ABCA4: variants seen among roughly 807,000 people sequenced by gnomAD.
The protein encoded by ABCA4 is retinal-specific phospholipid-transporting ATPase ABCA4.
Under a neutral mutation model 263.7 loss-of-function variants are expected in ABCA4, and 196 were observed. The ratio of observed to expected loss-of-function variants is 0.74; its 90% CI spans 0.66 to 0.84. The LOEUF is 0.84. Ranked by LOEUF, ABCA4 falls within the 40% of genes least tolerant of loss-of-function variation. The pLI, the probability that ABCA4 is intolerant of heterozygous loss-of-function variation, is 0.00. For missense variants in ABCA4, 2,792 were observed against 2,855.1 expected, an observed-to-expected ratio of 0.98 and a Z score of 0.50; for synonymous variants, 1,133 against 1,094.2, an observed-to-expected ratio of 1.04 and a Z score of -0.70.
Position 94,038,743 on chromosome 1 carries a change from C to T in ABCA4, c.3607+1300G>A, listed in dbSNP as rs377498507. Reference sequence around the variant, plus strand: ...AATTGTGTCTTAGGCATGTGTCAGCCTTTCCAGAAGTAGCTCTGTAGGTCA... The same window carrying T: ...AATTGTGTCTTAGGCATGTGTCAGCTTTTCCAGAAGTAGCTCTGTAGGTCA... On this transcript the variant is annotated intron_variant, in intron 24 of 49. Transcript: ENST00000370225. 5.9e-5 allele frequency among the ~76,000 whole-genome samples: 9 copies of T among 152,250 alleles called. No homozygotes were observed. The South Asian group carries it at 8.3e-4, about 14-fold the overall frequency.
chr1:94,035,799 A>G (rs1222856403), intron 26 of ABCA4, among the ~76,000 whole-genome samples: 1 of 152,184 alleles, frequency 6.6e-6, no homozygotes, highest in Non-Finnish European at 1.5e-5. Context: ...CCTTCCACAC[A>G]TCTATCTCCC....
At chr1:94,044,330 A>T (rs1660609544) in intron 20 of ABCA4, among the ~76,000 whole-genome samples, 1 of 152,150 alleles carries the variant, frequency 6.6e-6, no homozygotes, top group African/African-American at 2.4e-5. Flanking sequence ...GGGCTGCACA[A>T]GGGGCTCGGG....
At chr1:94,083,913 C>A (rs933404772) in intron 6 of ABCA4, among the ~76,000 whole-genome samples, 1 of 152,238 alleles carries the variant, frequency 6.6e-6, no homozygotes, top group Non-Finnish European at 1.5e-5. Flanking sequence ...TCTCTTCCTC[C>A]ATTCAACACT....
At chr1:94,091,579 TCACACACACACACACA>T (rs35529737) in intron 6 of ABCA4, among the ~76,000 whole-genome samples, 16 of 143,846 alleles carry the variant, frequency 1.1e-4, no homozygotes, top group Admixed American at 4.8e-4. Flanking sequence ...AAACATCATC[TCACACACACACACACA>T]CACACACACA....
At chr1:94,096,315 C>T (rs1022951945) in intron 6 of ABCA4, among the ~76,000 whole-genome samples, 4 of 152,088 alleles carry the variant, frequency 2.6e-5, no homozygotes, top group Admixed American at 6.5e-5. Context: ...AGCTACCGCT[C>T]GGGGGGACAA....
Position 94,019,594 on chromosome 1 carries a change from G to C in ABCA4, c.5184C>G (p.Phe1728Leu). The part of the protein sequence containing the change: ...VSPTTYWVTN[F>L]LWDIMNYSVS... ...AACTGACACTTACGATGTCCCAGAG[G>C]AAGTTGGTCACCCAGTAGGTGGTGG... The change falls in exon 36 of 50, where the codon TTC (phenylalanine) becomes TTG (leucine). Residue 1728 changes from phenylalanine (F) to leucine (L), a missense_variant. By Grantham distance (22) the Phe-to-Leu change is conservative. Transcript: ENST00000370225. 3 of 1,607,322 alleles carry C rather than the reference G, an allele frequency of 1.9e-6. No homozygotes were observed. In the South Asian group the frequency reaches 3.3e-5, roughly 18 times the overall value.
At chr1:94,003,665 G>A (rs181271442) in intron 44 of ABCA4, among the ~76,000 whole-genome samples, 3 of 152,078 alleles carry the variant, frequency 2.0e-5, no homozygotes, top group Non-Finnish European at 4.4e-5. Context: ...ACAGAGTCTT[G>A]CTCTGTTTCC....
chr1:94,120,887 G>GTC, intron 1 of ABCA4, 93 bp downstream of exon 1: 1 of 339,358 alleles, frequency 2.9e-6, no homozygotes. Flanking sequence ...CCCCCACCCT[G>GTC]CCCCACCACC....
At position 94,042,636 on chromosome 1, in the gene ABCA4, A is replaced by T. The variant is rs6675679; in HGVS notation, c.3328+125T>A. 9,042 of 1,340,312 alleles carry T rather than the reference A, an allele frequency of 6.7e-3. 190 individuals are homozygous for T. Among genetic ancestry groups the T allele is most frequent in the South Asian group, 0.04 (3,280 of 81,324 alleles). The allele number at this position is 1,340,312 out of a possible 1,614,324, so 83.0% of individuals were successfully genotyped here. ...CTTAGATTCACCAAGTCACTGATAAACCCCCTTCTGAGTGTAGTCATTGTG... is the reference window on the plus strand; with the variant it reads ...CTTAGATTCACCAAGTCACTGATAATCCCCCTTCTGAGTGTAGTCATTGTG... On this transcript the variant is annotated intron_variant, in intron 22 of 49. Transcript: ENST00000370225.
intron 17 of ABCA4, among the ~76,000 whole-genome samples, chr1:94,051,037 G>A (rs146999493): frequency 6.6e-5 from 10 of 152,310 alleles, no homozygotes; most frequent in Admixed American, 4.6e-4. Flanking sequence ...CCTCCTGTTT[G>A]GTTCAGTAGT....
intron 23 of ABCA4, among the ~76,000 whole-genome samples, chr1:94,040,551 A>G (rs1053430721): frequency 4.6e-5 from 7 of 152,210 alleles, no homozygotes; most frequent in African/African-American, 1.7e-4. Context: ...GCCTGTTCTT[A>G]AGAAGCCCAG....
At chr1:94,044,123 TCCCTTCCTTCCTCCC>T (rs1660604831) in intron 20 of ABCA4, among the ~76,000 whole-genome samples, 1 of 2,292 alleles carries the variant, frequency 4.4e-4, no homozygotes, top group African/African-American at 5.1e-4. Flanking sequence ...CCTTCCTTCC[TCCCTTCCTTCCTCCC>T]TTCCTTTTTT....
intron 22 of ABCA4, 70 bp from the exon 23 acceptor site, chr1:94,041,472 G>A: frequency 6.5e-7 from 1 of 1,548,042 alleles, no homozygotes; most frequent in African/African-American, 1.4e-5. Context: ...AGGGTGTACA[G>A]CAATTTCCTG....
chr1:94,028,906 CAA>C (rs34738807), intron 30 of ABCA4, among the ~76,000 whole-genome samples: 2 of 37,652 alleles, frequency 5.3e-5, no homozygotes, highest in African/African-American at 1.7e-4. Flanking sequence ...GACTCTGTCT[CAA>C]AAAAAAAAAA....
chr1:94,041,152 C>T, intron 23 of ABCA4, 57 bp downstream of exon 23: 3 of 1,585,970 alleles, frequency 1.9e-6, no homozygotes, highest in South Asian at 2.2e-5. Context: ...AGTGGCAGCC[C>T]CGTGCTGTGT....
chr1:94,114,116 G>A (rs3789440), intron 1 of ABCA4, among the ~76,000 whole-genome samples: 29,520 of 152,158 alleles, frequency 0.19, 2,990 homozygotes, highest in Middle Eastern at 0.22. Context: ...CTATTCACAT[G>A]GTCTTTCATG....
In ABCA4 at chr1:94,060,660, C is replaced by A. The variant is rs760611542; in HGVS notation, c.2037G>T (p.Glu679Asp). The A allele has an allele frequency of 6.2e-7, 1 of 1,614,186 alleles. No individual in the cohort carries two copies. The highest frequency in any genetic ancestry group is 1.7e-5 in the Admixed American group (1 of 60,020). ...MTVKSIVLEK[E>D]LRLKETLKNQ... is the part of the protein sequence containing the mutation. ...TTTTCAAGGTCTCCTTCAGTCGCAA[C>A]TCCTTCTCCAAGACGATGCTCTTCA... The change falls in exon 14 of 50, where the codon GAG becomes GAT. Residue 679 changes from glutamate (E) to aspartate (D), a missense_variant. Physicochemically the swap from Glu to Asp is conservative, Grantham distance 45 (BLOSUM62 2). Transcript: ENST00000370225.
intron 30 of ABCA4, among the ~76,000 whole-genome samples, chr1:94,026,719 G>C (rs1364538860): frequency 1.3e-5 from 2 of 152,244 alleles, no homozygotes; most frequent in Non-Finnish European, 2.9e-5. Flanking sequence ...GGGACAGAGT[G>C]CTTCCACCTC....
chr1:94,117,181 C>T (rs185563842), intron 1 of ABCA4, among the ~76,000 whole-genome samples: 399 of 151,918 alleles, frequency 2.6e-3, no homozygotes, highest in African/African-American at 9.4e-3. Context: ...TGTTTTAGAA[C>T]TGAGCCTGTT....
Sources: gnomAD v4.1 joint callset for allele counts (sites outside exome capture counted in the v4.1 genomes callset) on GRCh38, gnomAD v4.1.1 for gene constraint, MANE v1.5 for transcripts, NCBI Gene and HGNC (gene_info 2026-07-23, HGNC 2026-07-21) for gene names.